Variants in ARHGAP10 observed in about 807,000 individuals in gnomAD.
ARHGAP10 encodes the protein Rho GTPase activating protein 10.
In ARHGAP10, 87 loss-of-function variants were observed where a neutral mutation model predicts 108.6. The ratio of observed to expected loss-of-function variants is 0.80; its 90% CI spans 0.67 to 0.96. The LOEUF is 0.96. Ranked by LOEUF, ARHGAP10 falls within the 40% of genes least tolerant of loss-of-function variation. The pLI is 0.00. For synonymous variants in ARHGAP10, 347 were observed against 341.1 expected, an observed-to-expected ratio of 1.02 and a Z score of -0.19; for missense variants, 939 against 954.5, an observed-to-expected ratio of 0.98 and a Z score of 0.21.
chr4:147,925,855 G>T (rs1387890672), intron 13 of ARHGAP10, among the ~76,000 whole-genome samples: 1 of 152,178 alleles, frequency 6.6e-6, no homozygotes, highest in East Asian at 1.9e-4. Context: ...TGCAAAGATG[G>T]CCAGGTGATA....
At chr4:147,735,486 G>C (rs1728379327) in intron 1 of ARHGAP10, among the ~76,000 whole-genome samples, 1 of 152,188 alleles carries the variant, frequency 6.6e-6, no homozygotes, top group Admixed American at 6.5e-5. Context: ...TGTTTGAAGA[G>C]ACTAGTTTGG....
At chr4:148,060,970 C>T (rs1303680925) in intron 20 of ARHGAP10, among the ~76,000 whole-genome samples, 5 of 152,040 alleles carry the variant, frequency 3.3e-5, no homozygotes, top group African/African-American at 9.7e-5. Context: ...AGCCAGGGTG[C>T]GGGACAGGCA....
chr4:147,927,129 C>T (rs1737495814), intron 13 of ARHGAP10, among the ~76,000 whole-genome samples: 1 of 152,048 alleles, frequency 6.6e-6, no homozygotes, highest in South Asian at 2.1e-4. Context: ...TATAGTCTGA[C>T]CTTTTTTTGA....
chr4:148,005,235 AAAT>A (rs578233969), intron 18 of ARHGAP10, among the ~76,000 whole-genome samples: 124 of 152,348 alleles, frequency 8.1e-4, no homozygotes, highest in African/African-American at 2.7e-3. Context: ...GTGTGTGAAT[AAAT>A]AATAAATATT....
intron 18 of ARHGAP10, among the ~76,000 whole-genome samples, chr4:148,010,202 T>C (rs1466428730): frequency 2.0e-5 from 3 of 152,160 alleles, no homozygotes; most frequent in Non-Finnish European, 2.9e-5. Flanking sequence ...CCTGTGTTAA[T>C]AACATGATGT....
intron 20 of ARHGAP10, among the ~76,000 whole-genome samples, chr4:148,054,428 C>T (rs886442342): frequency 3.3e-5 from 5 of 152,232 alleles, no homozygotes; most frequent in African/African-American, 1.2e-4. Flanking sequence ...AATCACTGCT[C>T]CCCTGAGAGC....
intron 18 of ARHGAP10, among the ~76,000 whole-genome samples, chr4:148,005,655 C>T (rs575796863): frequency 1.3e-3 from 191 of 152,244 alleles, no homozygotes; most frequent in African/African-American, 4.4e-3. Flanking sequence ...GCTGGAGGGA[C>T]CAGGTTTTAA....
intron 19 of ARHGAP10, among the ~76,000 whole-genome samples, chr4:148,041,580 T>C (rs983631257): frequency 6.6e-6 from 1 of 152,242 alleles, no homozygotes; most frequent in African/African-American, 2.4e-5. Context: ...AAACATCCTC[T>C]AAATTATTAG....
Position 147,760,350 on chromosome 4 carries a change from A to G in ARHGAP10, c.154+27895A>G, listed in dbSNP as rs551544854. Among the ~76,000 whole-genome samples the G allele has an allele frequency of 1.2e-4, 18 of 152,352 alleles. No homozygotes were observed. In the East Asian group the frequency reaches 2.9e-3, roughly 24 times the overall value. The stretch of plus-strand genomic sequence containing the variant: ...GAAATGTTTACAGATGACTATGTCA[A>G]TATCTAGAGAGCTTAACCAGCTTGT... On this transcript the variant is annotated intron_variant, in intron 1 of 22. Transcript: ENST00000336498.
chr4:147,893,070 T>A (rs1735849514), intron 10 of ARHGAP10, among the ~76,000 whole-genome samples: 1 of 152,202 alleles, frequency 6.6e-6, no homozygotes, highest in Non-Finnish European at 1.5e-5. Flanking sequence ...TAAATTTTTT[T>A]TTTTTTGAGA....
In ARHGAP10 at chr4:147,864,090, G is replaced by A. The variant is rs540837549; in HGVS notation, c.487-756G>A. 3.3e-5 allele frequency: 5 copies of A among 152,342 alleles called. No homozygotes were observed. The South Asian group carries it at 1.0e-3, about 32-fold the overall frequency. The allele number at this position is 152,342 out of a possible 1,614,324, so 9.4% of individuals were successfully genotyped here. A position where few individuals can be genotyped will look rare whatever the true frequency, so the allele number is the denominator to read the frequency against. On this transcript the variant is annotated intron_variant, in intron 5 of 22. Coordinates refer to ENST00000336498, the MANE Select transcript of ARHGAP10 (RefSeq NM_024605.4). Reference sequence around the variant, plus strand: ...TTTAAGAGTAAAATTAGCTAAGTTAGGAAAAATATCACATGATACCTAGTA... The same window carrying A: ...TTTAAGAGTAAAATTAGCTAAGTTAAGAAAAATATCACATGATACCTAGTA...
At chr4:147,976,624 TTC>T (rs1266096537) in intron 18 of ARHGAP10, among the ~76,000 whole-genome samples, 2 of 152,058 alleles carry the variant, frequency 1.3e-5, no homozygotes, top group East Asian at 1.9e-4. Context: ...ACAGGAAACT[TTC>T]TGTCTTCCTT....
chr4:147,780,828 G>A (rs1730501094), intron 1 of ARHGAP10, among the ~76,000 whole-genome samples: 2 of 152,108 alleles, frequency 1.3e-5, no homozygotes, highest in South Asian at 4.1e-4. Flanking sequence ...CTGCCGGCAT[G>A]GCATCCTCTG....
intron 1 of ARHGAP10, among the ~76,000 whole-genome samples, chr4:147,798,755 C>A (rs867180116): frequency 1.1e-4 from 4 of 37,898 alleles, no homozygotes; most frequent in East Asian, 1.3e-3. Context: ...CTCTCTCTCT[C>A]TCTCTCTCTC....
chr4:147,844,132 C>G (rs1288653029), intron 3 of ARHGAP10, among the ~76,000 whole-genome samples: 1 of 152,106 alleles, frequency 6.6e-6, no homozygotes, highest in African/African-American at 2.4e-5. Flanking sequence ...GCTGCTTTCC[C>G]TCAAGATTTT....
chr4:147,850,833 C>A (rs1176243584), intron 4 of ARHGAP10, among the ~76,000 whole-genome samples: 1 of 152,182 alleles, frequency 6.6e-6, no homozygotes, highest in Non-Finnish European at 1.5e-5. Flanking sequence ...AGCTCCTTCA[C>A]CCTTTTTGAG....
chr4:148,064,410 T>C lies in ARHGAP10; in HGVS notation c.2181-6T>C, dbSNP rs1729767925. The C allele has an allele frequency of 1.9e-6, 3 of 1,613,134 alleles. No individual in the cohort carries two copies. The highest frequency in any genetic ancestry group is 1.7e-4 in the Middle Eastern group (1 of 6,054). On this transcript the variant is annotated splice_polypyrimidine_tract_variant and splice_region_variant and intron_variant, in intron 21 of 22. Coordinates refer to ENST00000336498, the MANE Select transcript of ARHGAP10 (RefSeq NM_024605.4). The stretch of plus-strand genomic sequence containing the variant: ...TTGGTGTCTTTTGTATTCTCTTTCT[T>C]TTCAGCATCCGCAGTCGGAAGGCTC...
chr4:147,882,703 T>G (rs1735380071), intron 10 of ARHGAP10, among the ~76,000 whole-genome samples: 1 of 152,202 alleles, frequency 6.6e-6, no homozygotes, highest in Non-Finnish European at 1.5e-5. Flanking sequence ...TTCTTTTTTT[T>G]CCTTATTGCA....
intron 16 of ARHGAP10, 25 bp downstream of exon 16, chr4:147,955,399 G>C (rs1446747833): frequency 6.3e-7 from 1 of 1,594,264 alleles, no homozygotes; most frequent in East Asian, 2.2e-5. Flanking sequence ...AAGGTATATA[G>C]GAACAGTTTT....
Sources: gnomAD v4.1 joint callset for allele counts (sites outside exome capture counted in the v4.1 genomes callset) on GRCh38, gnomAD v4.1.1 for gene constraint, MANE v1.5 for transcripts, NCBI Gene and HGNC (gene_info 2026-07-23, HGNC 2026-07-21) for gene names.